The following ANO1 variants were observed in gnomAD, a reference collection of about 807,000 sequenced individuals.
ANO1 encodes anoctamin-1.
ANO1 carries 59 observed loss-of-function variants against 124.0 expected under a neutral mutation model. The observed-to-expected ratio is 0.48, with a 90% confidence interval of 0.39 to 0.59. The LOEUF (loss-of-function observed/expected upper bound fraction) is 0.59, where lower values mean the gene tolerates loss of function less well. Ranked by LOEUF, ANO1 falls within the 20% of genes least tolerant of loss-of-function variation. The pLI is 0.00. For synonymous variants in ANO1, 529 were observed against 532.0 expected, an observed-to-expected ratio of 0.99 and a Z score of 0.08; for missense variants, 1,059 against 1,328.0, an observed-to-expected ratio of 0.80 and a Z score of 3.15.
intron 22 of ANO1, among the ~76,000 whole-genome samples, chr11:70,171,826 G>C (rs189413676): frequency 5.6e-4 from 85 of 152,292 alleles, no homozygotes; most frequent in African/African-American, 1.9e-3. Context: ...AAATGAGCTG[G>C]GCGTGATGGT....
intron 11 of ANO1, chr11:70,141,694 T>G (rs2135574300): frequency 6.6e-6 from 1 of 152,352 alleles, no homozygotes; most frequent in Middle Eastern, 3.4e-3. Flanking sequence ...CTTTTCACAC[T>G]GGCTGTCAAG....
chr11:70,181,990 G>A (rs561194595), intron 23 of ANO1, among the ~76,000 whole-genome samples: 9 of 152,132 alleles, frequency 5.9e-5, no homozygotes, highest in South Asian at 2.1e-4. Flanking sequence ...AGAGGCAGCC[G>A]TTGGGCCTTG....
intron 10 of ANO1, among the ~76,000 whole-genome samples, chr11:70,127,269 C>T (rs1308261712): frequency 6.6e-6 from 1 of 152,122 alleles, no homozygotes; most frequent in African/African-American, 2.4e-5. Context: ...GGCTGGCGCT[C>T]GTGGGCTGTA....
intron 10 of ANO1, among the ~76,000 whole-genome samples, chr11:70,129,953 G>A (rs1424216805): frequency 6.6e-6 from 1 of 152,166 alleles, no homozygotes; most frequent in Non-Finnish European, 1.5e-5. Flanking sequence ...TTTAGGGACT[G>A]TACCTGAAGG....
intron 1 of ANO1, among the ~76,000 whole-genome samples, chr11:70,039,839 T>C (rs1259466918): frequency 3.3e-5 from 5 of 152,206 alleles, no homozygotes; most frequent in Admixed American, 3.3e-4. Flanking sequence ...AAGAGCCAGC[T>C]TTTCAGCTCT....
chr11:70,100,539 A>C (rs1056408803), intron 2 of ANO1, among the ~76,000 whole-genome samples: 20 of 152,146 alleles, frequency 1.3e-4, no homozygotes, highest in African/African-American at 4.8e-4. Flanking sequence ...GGGCCTTCGG[A>C]GGGAGCATGG....
At chr11:70,141,889 T>C (rs1193490104) in intron 11 of ANO1, among the ~76,000 whole-genome samples, 1 of 152,180 alleles carries the variant, frequency 6.6e-6, no homozygotes, top group East Asian at 1.9e-4. Context: ...TGTTACTGCC[T>C]GGCAGCCGGG....
the ANO1 span, among the ~76,000 whole-genome samples, chr11:69,975,684 TC>T: frequency 6.6e-6 from 1 of 152,310 alleles, no homozygotes; most frequent in Non-Finnish European, 1.5e-5. Context: ...GGACTCTGGC[TC>T]CGGGATCCGC....
intron 7 of ANO1, 66 bp from the exon 8 acceptor site, chr11:70,116,392 A>G (rs1590775188): frequency 1.4e-6 from 2 of 1,457,206 alleles, no homozygotes; most frequent in East Asian, 4.9e-5. Flanking sequence ...TTGAAACATA[A>G]TGGATGTGAG....
chr11:70,038,674 G>A (rs781859409), intron 1 of ANO1, among the ~76,000 whole-genome samples: 2 of 152,204 alleles, frequency 1.3e-5, no homozygotes, highest in Non-Finnish European at 2.9e-5. Flanking sequence ...CAGGGAGAGA[G>A]CCAGGACTTA....
upstream of ANO1, among the ~76,000 whole-genome samples, chr11:70,077,275 C>A (rs890204528): frequency 8.5e-5 from 13 of 152,092 alleles, no homozygotes; most frequent in African/African-American, 3.1e-4. Context: ...CAGGCAGGTT[C>A]TTTGGATAGA....
chr11:70,107,145 G>C (rs1013636875), intron 5 of ANO1, among the ~76,000 whole-genome samples: 5 of 152,206 alleles, frequency 3.3e-5, no homozygotes, highest in African/African-American at 1.2e-4. Flanking sequence ...TCTGAGGGAT[G>C]ATGGGGAGGG....
At chr11:70,140,304 T>A (rs2047104976) in intron 11 of ANO1, among the ~76,000 whole-genome samples, 1 of 152,080 alleles carries the variant, frequency 6.6e-6, no homozygotes, top group Admixed American at 6.6e-5. Context: ...CCAAGGTGTG[T>A]GGATCACCTG....
upstream of ANO1, among the ~76,000 whole-genome samples, chr11:69,984,563 G>T (rs1188816537): frequency 6.6e-6 from 1 of 152,118 alleles, no homozygotes; most frequent in South Asian, 2.1e-4. Flanking sequence ...TGGGTTTGCC[G>T]CTTCAAGAGC....
Position 70,141,703 on chromosome 11 carries a change from A to G in ANO1, c.1259-8007A>G, listed in dbSNP as rs2047160126. 2.6e-5 allele frequency: 4 copies of G among 152,214 alleles called. No homozygotes were observed. The South Asian group carries it at 6.2e-4, about 24-fold the overall frequency. The allele number at this position is 152,214 out of a possible 1,614,324, so 9.4% of individuals were successfully genotyped here. A position where few individuals can be genotyped will look rare whatever the true frequency, so the allele number is the denominator to read the frequency against. On this transcript the variant is annotated intron_variant, in intron 11 of 25. Coordinates refer to ENST00000355303, the MANE Select transcript of ANO1 (RefSeq NM_018043.7). Reference sequence around the variant, plus strand: ...CGGGCCCTTTTCACACTGGCTGTCAAGGGTAATTACCAGGGATCTCTCCTT... The same window carrying G: ...CGGGCCCTTTTCACACTGGCTGTCAGGGGTAATTACCAGGGATCTCTCCTT...
chr11:70,117,430 C>T (rs887739718), intron 8 of ANO1, among the ~76,000 whole-genome samples: 2 of 152,090 alleles, frequency 1.3e-5, no homozygotes, highest in Non-Finnish European at 2.9e-5. Flanking sequence ...GCGTTGGTCC[C>T]CACCCTCTAC....
At chr11:70,097,442 C>T (rs577664866) in intron 2 of ANO1, among the ~76,000 whole-genome samples, 4 of 152,312 alleles carry the variant, frequency 2.6e-5, no homozygotes, top group African/African-American at 4.8e-5. Flanking sequence ...GTAACTGTGG[C>T]GTGGGAAATA....
chr11:70,095,517 C>T (rs1405184571), intron 2 of ANO1, among the ~76,000 whole-genome samples: 1 of 152,234 alleles, frequency 6.6e-6, no homozygotes, highest in Non-Finnish European at 1.5e-5. Flanking sequence ...CATCATTGCA[C>T]AGCTCTGCCA....
At chr11:70,124,111 G>A (rs539362965) in intron 8 of ANO1, among the ~76,000 whole-genome samples, 10 of 152,274 alleles carry the variant, frequency 6.6e-5, no homozygotes, top group African/African-American at 2.2e-4. Context: ...GTAAGAAGCC[G>A]TACAGCGTCT....
Sources: gnomAD v4.1 joint callset for allele counts (sites outside exome capture counted in the v4.1 genomes callset) on GRCh38, gnomAD v4.1.1 for gene constraint, MANE v1.5 for transcripts, NCBI Gene and HGNC (gene_info 2026-07-23, HGNC 2026-07-21) for gene names.